Variants in CHD9 observed in about 807,000 individuals in gnomAD.
CHD9 encodes ATP-dependent chromatin remodeler CHD9.
In CHD9, 77 loss-of-function variants were observed where a neutral mutation model predicts 316.1. The ratio of observed to expected loss-of-function variants is 0.24; its 90% CI spans 0.20 to 0.29. The LOEUF (loss-of-function observed/expected upper bound fraction) is 0.29. CHD9 is among the 10% of genes least tolerant of loss of function. The pLI is 1.00. For missense variants in CHD9, 2,763 were observed against 3,438.1 expected, an observed-to-expected ratio of 0.80 and a Z score of 4.91; for synonymous variants, 1,129 against 1,158.3, an observed-to-expected ratio of 0.97 and a Z score of 0.51.
chr16:53,058,243 C>T (rs1300454173), intron 1 of CHD9, among the ~76,000 whole-genome samples: 3 of 152,148 alleles, frequency 2.0e-5, no homozygotes, highest in African/African-American at 7.2e-5. Context: ...GCCTCAGCCT[C>T]CCATGTAGCT....
In CHD9 at chr16:53,156,833, A is replaced by G. The variant is rs763306566; in HGVS notation, c.744A>G (p.Gln248=). 43 of 1,613,728 alleles carry G rather than the reference A, an allele frequency of 2.7e-5. No homozygotes were observed. Among genetic ancestry groups the G allele is most frequent in the Non-Finnish European group, 3.1e-5 (37 of 1,179,894 alleles). Residue 248 remains glutamine, a synonymous_variant, in exon 2 of 39, where the codon CAA becomes CAG. Coordinates refer to ENST00000447540, the MANE Select transcript of CHD9 (RefSeq NM_001308319.2). Reference sequence around the variant, plus strand: ...ACTTCCACAAGTGTAGCAGTCATCAAGAAGGAAATTTTAATGGACCTTCCC... The same window carrying G: ...ACTTCCACAAGTGTAGCAGTCATCAGGAAGGAAATTTTAATGGACCTTCCC... The part of the protein sequence containing the change: ...SAHFHKCSSH[Q]EGNFNGPSPN...
chr16:53,300,185 C>T (rs1038429750), intron 30 of CHD9, among the ~76,000 whole-genome samples: 2 of 152,102 alleles, frequency 1.3e-5, no homozygotes, highest in Non-Finnish European at 2.9e-5. Context: ...AACCCCATCT[C>T]TACTAAAGAT....
chr16:53,080,485 C>T (rs557246675), intron 1 of CHD9, among the ~76,000 whole-genome samples: 1 of 152,318 alleles, frequency 6.6e-6, no homozygotes, highest in Admixed American at 6.5e-5. Context: ...GTCTCTACAA[C>T]ATGCTACCCC....
Position 53,157,413 on chromosome 16 carries a change from T to C in CHD9, c.1324T>C (p.Ser442Pro), listed in dbSNP as rs1186225488. ...TCATGACCTTGATCGGCAGTTTACT[T>C]CGCATCTGGTAACACGGCCTTCTGA... The part of the protein sequence containing the change: ...LDHDLDRQFT[S>P]HLVTRPSDMA... The change falls in exon 2 of 39, where the codon TCG becomes CCG. Residue 442 changes from serine to proline, a missense_variant. Physicochemically the swap from Ser to Pro is moderately conservative, Grantham distance 74. Transcript: ENST00000447540. 6.2e-7 allele frequency: 1 copy of C among 1,614,040 alleles called. No homozygotes were observed. Among genetic ancestry groups the C allele is most frequent in the Admixed American group, 1.7e-5 (1 of 60,026 alleles).
intron 1 of CHD9, among the ~76,000 whole-genome samples, chr16:53,084,839 G>C (rs1429075213): frequency 2.0e-5 from 3 of 152,158 alleles, no homozygotes; most frequent in Admixed American, 6.5e-5. Context: ...TTAGGATGCT[G>C]GTCAAGTCTT....
rs1333866656 is a variant in CHD9, at chr16:53,250,140, CAT to C, written c.3861+75_3861+76del. 6.9e-6 allele frequency: 7 copies of C among 1,016,502 alleles called. No individual in the cohort carries two copies. The Admixed American group carries it at 1.7e-4, about 25-fold the overall frequency. 63.0% of individuals were successfully genotyped at this position (1,016,502 alleles called of 1,614,324 possible). A position where few individuals can be genotyped will look rare whatever the true frequency, so the allele number is the denominator to read the frequency against. On this transcript the variant is annotated intron_variant, in intron 17 of 38. Transcript: ENST00000447540. ...AATTGTGTAACTTTTTGGTAATCCA[CAT>C]CTTTTATTTTTATCTGGACAAACTA... is the stretch of plus-strand genomic sequence containing the variant.
At chr16:53,130,815 A>C (rs1766436648) in intron 1 of CHD9, 1 of 151,758 alleles carries the variant, frequency 6.6e-6, no homozygotes, top group South Asian at 2.1e-4. Flanking sequence ...GAGCCGCGGC[A>C]GGAGCGGCGG....
chr16:53,153,479 C>A (rs1171486897), intron 1 of CHD9, among the ~76,000 whole-genome samples: 1 of 152,120 alleles, frequency 6.6e-6, no homozygotes, highest in African/African-American at 2.4e-5. Context: ...CATTTTCCAA[C>A]TTAAATGTAA....
At position 53,080,021 on chromosome 16, in the gene CHD9, A is replaced by C. The variant is rs748327257; in HGVS notation, c.-165+24944A>C. Among the ~76,000 whole-genome samples the C allele has an allele frequency of 2.0e-5, 3 of 152,248 alleles. No individual in the cohort carries two copies. The South Asian group carries it at 6.2e-4, about 32-fold the overall frequency. On this transcript the variant is annotated intron_variant, in intron 1 of 38. Transcript: ENST00000447540. The stretch of plus-strand genomic sequence containing the variant: ...TTATAGCTGGTTGGTCAGAAGTCCC[A>C]GAGATCCGGGACCTTCAACTGGCAT...
intron 2 of CHD9, among the ~76,000 whole-genome samples, chr16:53,164,449 T>C (rs1298306234): frequency 6.6e-6 from 1 of 151,988 alleles, no homozygotes; most frequent in Admixed American, 6.6e-5. Context: ...AGTGATGGTG[T>C]GCACCTGTAG....
At chr16:53,068,386 C>T (rs1297775187) in intron 1 of CHD9, among the ~76,000 whole-genome samples, 2 of 152,194 alleles carry the variant, frequency 1.3e-5, no homozygotes, top group Non-Finnish European at 2.9e-5. Flanking sequence ...TGCATTCTCA[C>T]TGGTCACATT....
chr16:53,116,021 G>C (rs1482799058), intron 1 of CHD9, among the ~76,000 whole-genome samples: 1 of 152,158 alleles, frequency 6.6e-6, no homozygotes, highest in African/African-American at 2.4e-5. Flanking sequence ...AGAAAGAGGA[G>C]CGGCAGATCA....
At chr16:53,199,013 C>G (rs1316310945) in intron 2 of CHD9, among the ~76,000 whole-genome samples, 4 of 151,390 alleles carry the variant, frequency 2.6e-5, no homozygotes, top group South Asian at 4.2e-4. Context: ...ATTTTGCCAC[C>G]AAACTTTTTT....
At chr16:53,066,004 A>G (rs2033466972) in intron 1 of CHD9, among the ~76,000 whole-genome samples, 1 of 151,790 alleles carries the variant, frequency 6.6e-6, no homozygotes, top group Non-Finnish European at 1.5e-5. Context: ...ACTGATATCT[A>G]CTCTCCTCGT....
At chr16:53,068,254 A>G (rs767143745) in intron 1 of CHD9, among the ~76,000 whole-genome samples, 5 of 152,154 alleles carry the variant, frequency 3.3e-5, no homozygotes, top group African/African-American at 4.8e-5. Context: ...CTCTATGAAT[A>G]GAAGTTGTTA....
intron 2 of CHD9, among the ~76,000 whole-genome samples, chr16:53,172,426 C>G (rs1185039424): frequency 6.6e-6 from 1 of 152,012 alleles, no homozygotes; most frequent in Non-Finnish European, 1.5e-5. Context: ...GTTCGTTCAC[C>G]TGATGATGTA....
chr16:53,179,117 G>A (rs2043298677), intron 2 of CHD9, among the ~76,000 whole-genome samples: 1 of 152,268 alleles, frequency 6.6e-6, no homozygotes, highest in Admixed American at 6.5e-5. Context: ...TGCTTTATTT[G>A]TGTATATAGG....
At chr16:53,193,985 G>C (rs2044687215) in intron 2 of CHD9, among the ~76,000 whole-genome samples, 1 of 152,150 alleles carries the variant, frequency 6.6e-6, no homozygotes, top group Non-Finnish European at 1.5e-5. Context: ...ATATCTAAAA[G>C]TGAATTTTTG....
chr16:53,300,504 A>T (rs2055279482), intron 30 of CHD9, among the ~76,000 whole-genome samples: 1 of 152,262 alleles, frequency 6.6e-6, no homozygotes, highest in Non-Finnish European at 1.5e-5. Context: ...ATAAGCATGT[A>T]ATCATAGCAT....
Sources: allele counts gnomAD v4.1 joint callset (sites outside exome capture counted in the v4.1 genomes callset), GRCh38; gene constraint gnomAD v4.1.1; transcripts MANE v1.5; gene names NCBI Gene and HGNC (gene_info 2026-07-23, HGNC 2026-07-21).